ELAPOR1: variants seen among roughly 807,000 people sequenced by gnomAD.
ELAPOR1 encodes the protein endosome-lysosome associated apoptosis and autophagy regulator 1.
ELAPOR1 carries 77 observed loss-of-function variants against 119.7 expected under a neutral mutation model. The ratio of observed to expected loss-of-function variants is 0.64; its 90% confidence interval spans 0.54 to 0.78. ELAPOR1 has a LOEUF of 0.78. ELAPOR1 is among the 30% of genes least tolerant of loss of function. ELAPOR1 has a pLI of 0.00. For missense variants in ELAPOR1, 1,115 were observed against 1,270.4 expected (o/e 0.88, Z 1.86); for synonymous variants, 481 against 487.2 (o/e 0.99, Z 0.17).
intron 1 of ELAPOR1, among the ~76,000 whole-genome samples, chr1:109,131,423 C>T (rs141442925): frequency 1.6e-4 from 25 of 152,296 alleles, no homozygotes; most frequent in African/African-American, 5.5e-4. Context: ...AGGAGAACCA[C>T]ACCATGGCGT....
chr1:109,164,438 C>G, intron 2 of ELAPOR1, 61 bp from the exon 3 acceptor site: 2 of 1,464,644 alleles, frequency 1.4e-6, no homozygotes, highest in Non-Finnish European at 1.9e-6. Context: ...GCTCGCAGCC[C>G]ATTCACTTCT....
intron 14 of ELAPOR1, among the ~76,000 whole-genome samples, chr1:109,193,854 G>A (rs1012078788): frequency 8.5e-5 from 13 of 152,324 alleles, no homozygotes; most frequent in African/African-American, 3.1e-4. Flanking sequence ...CTCTGCTGCT[G>A]TGGGAGGGAA....
At chr1:109,117,674 G>A (rs971362751) in intron 1 of ELAPOR1, among the ~76,000 whole-genome samples, 1 of 152,158 alleles carries the variant, frequency 6.6e-6, no homozygotes, top group Non-Finnish European at 1.5e-5. Flanking sequence ...AACATGTGAA[G>A]TGCCTAGTAC....
In ELAPOR1 at chr1:109,118,900, CT is replaced by C. The variant is rs777752743; in HGVS notation, c.153+4579del. 4.6e-3 allele frequency among the ~76,000 whole-genome samples: 591 copies of C among 128,122 alleles called. 7 individuals are homozygous for C. Among genetic ancestry groups the C allele is most frequent in the South Asian group, 0.022 (92 of 4,164 alleles). 84.1% of individuals were successfully genotyped at this position (128,122 alleles called of 152,430 possible). The stretch of plus-strand genomic sequence containing the variant: ...CTGTTTCCTCCTGTATTTGGTTCTT[CT>C]TTTTTTTTTTTTTTGAGACGGAGTC... On this transcript the variant is annotated intron_variant, in intron 1 of 21. Coordinates refer to ENST00000369939, the MANE Select transcript of ELAPOR1 (RefSeq NM_020775.5).
At chr1:109,175,013 C>A (rs1250044596) in intron 7 of ELAPOR1, among the ~76,000 whole-genome samples, 1 of 151,966 alleles carries the variant, frequency 6.6e-6, no homozygotes, top group African/African-American at 2.4e-5. Context: ...CCGCGCCCGG[C>A]CTGGGTTGCA....
intron 9 of ELAPOR1, among the ~76,000 whole-genome samples, chr1:109,188,773 A>C (rs1490921059): frequency 6.6e-6 from 1 of 152,230 alleles, no homozygotes; most frequent in Non-Finnish European, 1.5e-5. Context: ...TATGACAATA[A>C]TATGAACTAT....
At chr1:109,198,769 A>G (rs1653985582) in intron 18 of ELAPOR1, 95 bp downstream of exon 18, 1 of 1,132,860 alleles carries the variant, frequency 8.8e-7, no homozygotes. Flanking sequence ...GCAAAAAAGA[A>G]AAGAGTTTGA....
chr1:109,171,526 TG>T (rs1365901464), intron 3 of ELAPOR1, among the ~76,000 whole-genome samples: 1 of 151,878 alleles, frequency 6.6e-6, no homozygotes, highest in Non-Finnish European at 1.5e-5. Flanking sequence ...CACTCCAGCC[TG>T]GGAGACAGAG....
intron 1 of ELAPOR1, among the ~76,000 whole-genome samples, chr1:109,125,255 G>A (rs1478435958): frequency 6.6e-6 from 1 of 151,404 alleles, no homozygotes; most frequent in African/African-American, 2.4e-5. Context: ...TTTTAGTAGA[G>A]ATGGAATTTC....
chr1:109,164,730 T>A, intron 3 of ELAPOR1, 39 bp downstream of exon 3: 3 of 1,574,710 alleles, frequency 1.9e-6, no homozygotes, highest in Non-Finnish European at 1.7e-6. Flanking sequence ...CCCAGCCCAC[T>A]GGGTAAGGGG....
intron 8 of ELAPOR1, among the ~76,000 whole-genome samples, chr1:109,186,024 T>C (rs529350366): frequency 6.7e-6 from 1 of 149,920 alleles, no homozygotes; most frequent in Admixed American, 6.7e-5. Context: ...AGAGAGATAA[T>C]AGACAACAAA....
At chr1:109,154,185 G>C (rs1650713910) in intron 1 of ELAPOR1, among the ~76,000 whole-genome samples, 1 of 150,558 alleles carries the variant, frequency 6.6e-6, no homozygotes, top group Admixed American at 6.6e-5. Flanking sequence ...GGAGGTTGAG[G>C]CAGGAGAATT....
At chr1:109,135,599 C>T (rs529722979) in intron 1 of ELAPOR1, among the ~76,000 whole-genome samples, 2 of 152,254 alleles carry the variant, frequency 1.3e-5, no homozygotes, top group African/African-American at 4.8e-5. Context: ...CTGCTGCCCC[C>T]ACAGGTCCTG....
chr1:109,186,982 A>G, intron 8 of ELAPOR1: 1 of 985,556 alleles, frequency 1.0e-6, no homozygotes. Context: ...TGCTTTCAGG[A>G]GTGCGCATGA....
In ELAPOR1 at chr1:109,188,010, T is replaced by C. The variant is rs567259216; in HGVS notation, c.1042-167T>C. On this transcript the variant is annotated intron_variant, in intron 8 of 21. Coordinates refer to ENST00000369939, the MANE Select transcript of ELAPOR1 (RefSeq NM_020775.5). ...CACAACCATGACTCAGGCACTGGGC[T>C]AGGTGCTTGGGATACATCCGTGAGC... The C allele has an allele frequency of 2.5e-4, 346 of 1,390,798 alleles. 1 individual carries two copies. In the South Asian group the frequency reaches 5.6e-3, roughly 22 times the overall value. 86.2% of individuals were successfully genotyped at this position (1,390,798 alleles called of 1,614,324 possible).
chr1:109,192,748 T>C lies in ELAPOR1; in HGVS notation c.1821T>C (p.Ala607=). ...GCTCCTCCTGCACCTCTTGTCCTGC[T>C]GGTTACTATATTGACCGAGATTCAG... is the stretch of plus-strand genomic sequence containing the variant. The part of the protein sequence containing the change: ...DVGSSCTSCP[A]GYYIDRDSGT... Residue 607 remains alanine (A), a synonymous_variant, in exon 14 of 22, where the codon GCT becomes GCC. Transcript: ENST00000369939. The C allele has an allele frequency of 6.2e-7, 1 of 1,614,126 alleles. No homozygotes were observed. The highest frequency in any genetic ancestry group is 8.5e-7 in the Non-Finnish European group (1 of 1,180,034).
rs1346624274 is a variant in ELAPOR1 at position 109,139,749 on chromosome 1, T to A, written c.154-22145T>A. Among the ~76,000 whole-genome samples the A allele has an allele frequency of 2.6e-5, 4 of 152,298 alleles. No homozygotes were observed. In the East Asian group the frequency reaches 7.7e-4, roughly 29 times the overall value. ...GGCTGCCAATTTCTATCTGATGTTA[T>A]GTTTATGTGTATATTTATAGCATTT... is the stretch of plus-strand genomic sequence containing the variant. On this transcript the variant is annotated intron_variant, in intron 1 of 21. Transcript: ENST00000369939.
At chr1:109,156,323 G>A (rs1045067821) in intron 1 of ELAPOR1, among the ~76,000 whole-genome samples, 7 of 151,742 alleles carry the variant, frequency 4.6e-5, no homozygotes, top group Admixed American at 6.6e-5. Flanking sequence ...ATAAAATTGT[G>A]GTAAAATACA....
intron 1 of ELAPOR1, among the ~76,000 whole-genome samples, chr1:109,136,186 A>G (rs563876423): frequency 1.1e-4 from 16 of 152,132 alleles, no homozygotes; most frequent in Non-Finnish European, 1.6e-4. Flanking sequence ...TCAGAATGAG[A>G]CCTTATTTGG....
Sources: allele counts gnomAD v4.1 joint callset (sites outside exome capture counted in the v4.1 genomes callset), GRCh38; gene constraint gnomAD v4.1.1; transcripts MANE v1.5; gene names NCBI Gene and HGNC (gene_info 2026-07-23, HGNC 2026-07-21).